BMP7: variants seen among roughly 807,000 people sequenced by gnomAD.
The protein encoded by BMP7 is osteogenic protein 1.
BMP7 carries 12 observed loss-of-function variants against 41.2 expected under a neutral mutation model. The observed-to-expected ratio is 0.29, with a 90% CI of 0.19 to 0.47. The LOEUF is 0.47. Among genes scored for constraint, BMP7 ranks in the 20% least tolerant of loss-of-function variants. The pLI is 0.99. For missense variants in BMP7, 467 were observed against 606.0 expected, an observed-to-expected ratio of 0.77 and a Z score of 2.41; for synonymous variants, 248 against 250.0, an observed-to-expected ratio of 0.99 and a Z score of 0.07.
intron 1 of BMP7, among the ~76,000 whole-genome samples, chr20:57,242,773 T>C (rs162320): frequency 0.55 from 83,358 of 151,646 alleles, 24,075 homozygotes; most frequent in African/African-American, 0.74. Flanking sequence ...GAGGGCAAGG[T>C]GGGTGGATCA....
chr20:57,223,837 A>G (rs1985247311), intron 2 of BMP7, among the ~76,000 whole-genome samples: 1 of 152,114 alleles, frequency 6.6e-6, no homozygotes, highest in South Asian at 2.1e-4. Context: ...AAACCCGCCC[A>G]GAGTCTTGCT....
chr20:57,186,958 C>A (rs1470171339), intron 3 of BMP7: 2 of 152,216 alleles, frequency 1.3e-5, no homozygotes, highest in African/African-American at 2.4e-5. Flanking sequence ...ACCATTAAAG[C>A]TGAGCCCCTA....
intron 1 of BMP7, among the ~76,000 whole-genome samples, chr20:57,229,882 A>T (rs1389381577): frequency 6.6e-6 from 1 of 152,184 alleles, no homozygotes; most frequent in Non-Finnish European, 1.5e-5. Context: ...AGCTCCATTA[A>T]AAACAATCTG....
chr20:57,201,579 C>G lies in BMP7; in HGVS notation c.760+896G>C, dbSNP rs563877098. On this transcript the variant is annotated intron_variant, in intron 3 of 6. Transcript: ENST00000395863. Reference sequence around the variant, plus strand: ...GCTGGAGAAGAAAGTGGGAGGGAAACTATTTAGTGTTACACATGTATTGTT... The same window carrying G: ...GCTGGAGAAGAAAGTGGGAGGGAAAGTATTTAGTGTTACACATGTATTGTT... Among the ~76,000 whole-genome samples, 3 of 152,312 alleles carry G rather than the reference C, an allele frequency of 2.0e-5. No individual in the cohort carries two copies. The South Asian group carries it at 6.2e-4, about 32-fold the overall frequency.
chr20:57,235,389 C>G (rs1007901338), intron 1 of BMP7, among the ~76,000 whole-genome samples: 1 of 152,158 alleles, frequency 6.6e-6, no homozygotes, highest in African/African-American at 2.4e-5. Flanking sequence ...AGCAGGATTT[C>G]TGGGTCAGAG....
At chr20:57,202,266 C>G (rs1555813399) in intron 3 of BMP7, among the ~76,000 whole-genome samples, 2 of 152,108 alleles carry the variant, frequency 1.3e-5, no homozygotes, top group Non-Finnish European at 2.9e-5. Context: ...GAAGCCTTAC[C>G]CAATTCTGCT....
chr20:57,226,065 T>C (rs1415892278), intron 2 of BMP7: 1 of 425,230 alleles, frequency 2.4e-6, no homozygotes. Flanking sequence ...GCCGGCAGCC[T>C]GGCAGGGAGG....
In BMP7 at chr20:57,259,585, TA is replaced by T. The variant is rs2066146028; in HGVS notation, c.418+6119del. On this transcript the variant is annotated intron_variant, in intron 1 of 6. Coordinates refer to ENST00000395863, the MANE Select transcript of BMP7 (RefSeq NM_001719.3). This position sits in a 1 kb window ranked among gnomAD's most constrained non-coding sequence, Gnocchi z 4.7. Reference sequence around the variant, plus strand: ...CTCCAAAACAATAAAGCAATTACCCTAAAGCTGGTGCTCTCGGAGTTGTCAT... The same window carrying T: ...CTCCAAAACAATAAAGCAATTACCCTAAGCTGGTGCTCTCGGAGTTGTCAT... Among the ~76,000 whole-genome samples the T allele has an allele frequency of 6.6e-6, 1 of 152,176 alleles. No homozygotes were observed. The highest frequency in any genetic ancestry group is 6.5e-5 in the Admixed American group (1 of 15,288).
intron 4 of BMP7, among the ~76,000 whole-genome samples, chr20:57,179,788 TC>T (rs1984032921): frequency 6.6e-6 from 1 of 152,106 alleles, no homozygotes; most frequent in Non-Finnish European, 1.5e-5. Flanking sequence ...TTTCTTAACT[TC>T]CAGGCAGGTT....
chr20:57,244,623 A>G (rs2123133587), intron 1 of BMP7, among the ~76,000 whole-genome samples: 1 of 152,320 alleles, frequency 6.6e-6, no homozygotes, highest in African/African-American at 2.4e-5. Flanking sequence ...TTCTCTCTAT[A>G]AAATGGGGAC....
chr20:57,219,550 C>A (rs1442957058), intron 2 of BMP7, among the ~76,000 whole-genome samples: 2 of 152,120 alleles, frequency 1.3e-5, no homozygotes, highest in Admixed American at 1.3e-4. Flanking sequence ...AGGGCTGCTA[C>A]CGAATGCCCT....
Position 57,183,934 on chromosome 20 carries a change from G to A in BMP7, c.761-15C>T, listed in dbSNP as rs770162553. On this transcript the variant is annotated splice_polypyrimidine_tract_variant and intron_variant, in intron 3 of 6. Coordinates refer to ENST00000395863, the MANE Select transcript of BMP7 (RefSeq NM_001719.3). ...GATGCTCTGCCCTGGACAGGAAGCA[G>A]CCAAGTGCACAGAAGAGTAGTTACA... The A allele has an allele frequency of 6.3e-5, 102 of 1,612,022 alleles. No individual in the cohort carries two copies. The highest frequency in any genetic ancestry group is 8.5e-5 in the Non-Finnish European group (100 of 1,179,924).
rs1201569711 is a variant in BMP7, at chr20:57,261,848, A to G, written c.418+3857T>C. 1.3e-5 allele frequency among the ~76,000 whole-genome samples: 2 copies of G among 152,254 alleles called. No homozygotes were observed. Among genetic ancestry groups the G allele is most frequent in the East Asian group, 1.9e-4 (1 of 5,204 alleles). ...ACAGAATCTTTTTCTAATACTCTAC[A>G]GTGGTAGGGCCTGCTCTTGACGGGC... On this transcript the variant is annotated intron_variant, in intron 1 of 6. Coordinates refer to ENST00000395863, the MANE Select transcript of BMP7 (RefSeq NM_001719.3). The surrounding 1 kb of genome is among the most constrained non-coding windows in gnomAD (Gnocchi z 4.1).
At chr20:57,232,333 C>A (rs2123121282) in intron 1 of BMP7, among the ~76,000 whole-genome samples, 1 of 152,190 alleles carries the variant, frequency 6.6e-6, no homozygotes, top group Admixed American at 6.5e-5. Context: ...GCCTCTAAAA[C>A]AATGAGCCAG....
At chr20:57,184,106 G>A (rs1265934863) in intron 3 of BMP7, among the ~76,000 whole-genome samples, 187 bp from the exon 4 acceptor site, 3 of 152,212 alleles carry the variant, frequency 2.0e-5, no homozygotes, top group Non-Finnish European at 2.9e-5. Flanking sequence ...AACTGTGAAA[G>A]CAGCCAAGAA....
chr20:57,262,380 A>C lies in BMP7; in HGVS notation c.418+3325T>G, dbSNP rs988039093. Among the ~76,000 whole-genome samples, 12 of 152,332 alleles carry C rather than the reference A, an allele frequency of 7.9e-5. No individual in the cohort carries two copies. In the East Asian group the frequency reaches 2.3e-3, roughly 29 times the overall value. On this transcript the variant is annotated intron_variant, in intron 1 of 6. Transcript: ENST00000395863. The stretch of plus-strand genomic sequence containing the variant: ...GAGTCTCACTCAGGCAGCTCAGTTC[A>C]CATTGCCTGGGGCTTTATGGTACAG...
At chr20:57,178,640 G>A (rs1983993041) in intron 4 of BMP7, among the ~76,000 whole-genome samples, 1 of 152,106 alleles carries the variant, frequency 6.6e-6, no homozygotes, top group African/African-American at 2.4e-5. Context: ...CTTCATGGCT[G>A]TGGCAATGCC....
At chr20:57,257,493 AT>A (rs1435411526) in intron 1 of BMP7, among the ~76,000 whole-genome samples, 1 of 152,142 alleles carries the variant, frequency 6.6e-6, no homozygotes, top group East Asian at 1.9e-4. Flanking sequence ...AAAATTTTGT[AT>A]TGCTTTTAGC....
chr20:57,230,303 G>T (rs1399407085), intron 1 of BMP7, among the ~76,000 whole-genome samples: 1 of 152,094 alleles, frequency 6.6e-6, no homozygotes, highest in Admixed American at 6.5e-5. Context: ...GAGAAGGTAG[G>T]AGTCTCCGTA....
Sources: allele counts gnomAD v4.1 joint callset (sites outside exome capture counted in the v4.1 genomes callset), GRCh38; gene constraint gnomAD v4.1.1; non-coding constraint Gnocchi (gnomAD v3.1); transcripts MANE v1.5; gene names NCBI Gene and HGNC (gene_info 2026-07-23, HGNC 2026-07-21).